Variants in GRB10 observed in about 807,000 individuals in gnomAD.
The protein encoded by GRB10 is growth factor receptor bound protein 10.
GRB10 carries 20 observed loss-of-function variants against 80.9 expected under a neutral mutation model. The observed-to-expected ratio is 0.25, with a 90% confidence interval of 0.17 to 0.36. GRB10 has a LOEUF of 0.36. Ranked by LOEUF, GRB10 falls within the 10% of genes least tolerant of loss-of-function variation. The pLI, the probability that GRB10 is intolerant of heterozygous loss-of-function variation, is 1.00. For synonymous variants in GRB10, 291 were observed against 291.5 expected (o/e 1.00, Z 0.02); for missense variants, 548 against 747.7 (o/e 0.73, Z 3.12).
intron 4 of GRB10, among the ~76,000 whole-genome samples, chr7:50,719,398 A>G (rs1333435347): frequency 1.1e-4 from 16 of 152,192 alleles, no homozygotes; most frequent in Admixed American, 1.0e-3. Flanking sequence ...GCTGGAAGCC[A>G]TCATTCTCAG....
At chr7:50,762,288 CA>C (rs1296051144) in intron 2 of GRB10, among the ~76,000 whole-genome samples, 1 of 150,552 alleles carries the variant, frequency 6.6e-6, no homozygotes, top group Non-Finnish European at 1.5e-5. Context: ...CAGAAGCAAC[CA>C]AAACAACACA....
In GRB10 at chr7:50,664,582, G is replaced by A. The variant is rs764825589; in HGVS notation, c.504+5140C>T. Among the ~76,000 whole-genome samples the A allele has an allele frequency of 2.0e-4, 30 of 152,244 alleles. 1 individual carries two copies. Among genetic ancestry groups the A allele is most frequent in the Admixed American group, 5.2e-4 (8 of 15,294 alleles). ...GTGGTGCCCCTCCCTCCCGACACCCGAGGCCAGCTCCAGGCACACTGCATG... is the reference window on the plus strand; with the variant it reads ...GTGGTGCCCCTCCCTCCCGACACCCAAGGCCAGCTCCAGGCACACTGCATG... On this transcript the variant is annotated intron_variant, in intron 7 of 18. Coordinates refer to ENST00000401949, the MANE Select transcript of GRB10 (RefSeq NM_001350814.2).
intron 4 of GRB10, among the ~76,000 whole-genome samples, chr7:50,721,301 T>C (rs1257836757): frequency 6.6e-6 from 1 of 152,198 alleles, no homozygotes; most frequent in East Asian, 1.9e-4. Flanking sequence ...CCAACCCGCT[T>C]TGTCCTGCCC....
At chr7:50,618,496 G>A (rs779695773) in intron 9 of GRB10, among the ~76,000 whole-genome samples, 56 of 152,218 alleles carry the variant, frequency 3.7e-4, no homozygotes, top group Admixed American at 1.0e-3. Context: ...GCCCAGTCAC[G>A]AGAAAAGCCT....
chr7:50,605,459 A>C (rs2048362025), intron 14 of GRB10, 53 bp from the exon 15 acceptor site: 1 of 1,390,414 alleles, frequency 7.2e-7, no homozygotes, highest in South Asian at 1.2e-5. Flanking sequence ...GGCAGAGTGG[A>C]GTCTTGGCAT....
intron 5 of GRB10, among the ~76,000 whole-genome samples, chr7:50,699,341 A>G (rs1339240229): frequency 1.3e-5 from 2 of 152,196 alleles, no homozygotes; most frequent in African/African-American, 2.4e-5. Flanking sequence ...CATGAACATG[A>G]CTCTAACAGT....
chr7:50,655,129 A>G (rs2058505055), intron 7 of GRB10, among the ~76,000 whole-genome samples: 1 of 151,982 alleles, frequency 6.6e-6, no homozygotes, highest in Admixed American at 6.6e-5. Context: ...CATTCTCTAG[A>G]ATGTCTCTTG....
intron 2 of GRB10, among the ~76,000 whole-genome samples, chr7:50,770,294 A>T (rs1050756334): frequency 2.6e-5 from 4 of 152,242 alleles, no homozygotes; most frequent in African/African-American, 9.6e-5. Context: ...CATTTGGCAC[A>T]TAATAGTTAC....
chr7:50,616,497 T>C, intron 10 of GRB10, 150 bp from the exon 11 acceptor site: 1 of 762,354 alleles, frequency 1.3e-6, no homozygotes, highest in East Asian at 2.7e-5. Context: ...AGTCTTAAAA[T>C]CCCATCTCAA....
At chr7:50,658,082 G>C (rs2058830355) in intron 7 of GRB10, among the ~76,000 whole-genome samples, 1 of 152,182 alleles carries the variant, frequency 6.6e-6, no homozygotes, top group African/African-American at 2.4e-5. Context: ...AACACTTCTC[G>C]ACTGTAAACT....
rs1313031719 is a variant in GRB10 at position 50,645,513 on chromosome 7, C to A, written c.505-18535G>T. On this transcript the variant is annotated intron_variant, in intron 7 of 18. Transcript: ENST00000401949. ...GGGCACTAACTCCTTTAAAACCAAGCAAACAAAAAGGATCTGCTGAGCACC... is the reference window on the plus strand; with the variant it reads ...GGGCACTAACTCCTTTAAAACCAAGAAAACAAAAAGGATCTGCTGAGCACC... 3 of 754,538 alleles carry A rather than the reference C, an allele frequency of 4.0e-6. No homozygotes were observed. In the African/African-American group the frequency reaches 5.7e-5, roughly 14 times the overall value. 46.7% of individuals were successfully genotyped at this position (754,538 alleles called of 1,614,324 possible). A position where few individuals can be genotyped will look rare whatever the true frequency, so the allele number is the denominator to read the frequency against.
intron 7 of GRB10, among the ~76,000 whole-genome samples, chr7:50,632,422 A>G (rs1189482270): frequency 6.6e-6 from 1 of 152,178 alleles, no homozygotes; most frequent in Non-Finnish European, 1.5e-5. Flanking sequence ...AGGACGCAGC[A>G]CACTGCCCAG....
intron 7 of GRB10, among the ~76,000 whole-genome samples, chr7:50,634,760 A>C (rs1157665081): frequency 6.6e-6 from 1 of 152,228 alleles, no homozygotes; most frequent in Non-Finnish European, 1.5e-5. Flanking sequence ...GATAAAACAG[A>C]CTTTAAGCTA....
At chr7:50,677,355 C>A (rs1167076039) in intron 5 of GRB10, among the ~76,000 whole-genome samples, 1 of 152,016 alleles carries the variant, frequency 6.6e-6, no homozygotes, top group Non-Finnish European at 1.5e-5. Context: ...AGTTGGTTGG[C>A]AAAAAATCAG....
chr7:50,639,657 G>A (rs1447845509), intron 7 of GRB10, among the ~76,000 whole-genome samples: 1 of 148,940 alleles, frequency 6.7e-6, no homozygotes, highest in East Asian at 2.0e-4. Flanking sequence ...TGGGCGACCA[G>A]AGCAAGACTC....
At chr7:50,784,266 AG>A (rs916452570), upstream of GRB10, among the ~76,000 whole-genome samples, 4 of 152,212 alleles carry the variant, frequency 2.6e-5, no homozygotes, top group African/African-American at 9.7e-5. Flanking sequence ...CAAAGTGTGG[AG>A]AAATTATGTA....
chr7:50,632,484 A>G (rs1324116433), intron 7 of GRB10, among the ~76,000 whole-genome samples: 2 of 152,156 alleles, frequency 1.3e-5, no homozygotes, highest in African/African-American at 2.4e-5. Flanking sequence ...AGGAGCCCCC[A>G]CTGTCTGAAC....
chr7:50,718,626 G>C (rs959972425), intron 4 of GRB10, among the ~76,000 whole-genome samples: 16 of 152,134 alleles, frequency 1.1e-4, no homozygotes, highest in African/African-American at 3.9e-4. Context: ...TTCAGTTTTT[G>C]AGGACCACAG....
At chr7:50,754,592 T>C (rs529050033) in intron 3 of GRB10, among the ~76,000 whole-genome samples, 3 of 152,312 alleles carry the variant, frequency 2.0e-5, no homozygotes, top group African/African-American at 7.2e-5. Flanking sequence ...AATGTCCACA[T>C]GCGCACCTTC....
Sources: allele counts gnomAD v4.1 joint callset (sites outside exome capture counted in the v4.1 genomes callset), GRCh38; gene constraint gnomAD v4.1.1; transcripts MANE v1.5; gene names NCBI Gene and HGNC (gene_info 2026-07-23, HGNC 2026-07-21).